RELT: variants seen among roughly 807,000 people sequenced by gnomAD.
RELT encodes the protein RELT TNF receptor, also known as tumor necrosis factor receptor superfamily member 19L.
RELT carries 37 observed loss-of-function variants against 51.1 expected under a neutral mutation model. The observed-to-expected ratio is 0.72, with a 90% CI of 0.56 to 0.95. The LOEUF is 0.95. Ranked by LOEUF, RELT falls within the 40% of genes least tolerant of loss-of-function variation. The probability of loss-of-function intolerance (pLI) is 0.00; values close to 1 mark genes in which losing one functional copy is unlikely to be tolerated. For missense variants in RELT, 535 were observed against 572.6 expected (o/e 0.93, Z 0.67); for synonymous variants, 241 against 235.7 (o/e 1.02, Z -0.21).
At chr11:73,393,701 G>A (rs1866256676) in intron 6 of RELT, 136 bp from the exon 7 acceptor site, 1 of 1,584,014 alleles carries the variant, frequency 6.3e-7, no homozygotes, top group Non-Finnish European at 8.6e-7. Context: ...GCAGGGCTCT[G>A]GGAGGCTTGT....
Position 73,394,698 on chromosome 11 carries a change from G to C in RELT, c.1010G>C (p.Gly337Ala). The change falls in exon 9 of 11, where the codon GGG becomes GCG. Residue 337 changes from glycine to alanine, a missense_variant. By Grantham distance (60) the Gly-to-Ala change is moderately conservative. Transcript: ENST00000064780. The surrounding 1 kb of genome is among the most constrained non-coding windows in gnomAD (Gnocchi z 4.9). ...GTTCCCAAGGCCGGGGCCAAGGCAG[G>C]GCGTCAGGGCGAGATCACCATCTTG... ...TRVPKAGAKA[G>A]RQGEITILSV... The C allele has an allele frequency of 6.2e-7, 1 of 1,612,380 alleles. No homozygotes were observed. The highest frequency in any genetic ancestry group is 1.7e-5 in the Admixed American group (1 of 60,022).
intron 1 of RELT, among the ~76,000 whole-genome samples, chr11:73,386,765 TG>T (rs1866130363): frequency 6.6e-6 from 1 of 152,156 alleles, no homozygotes; most frequent in Admixed American, 6.5e-5. Flanking sequence ...AGCTGCTCCC[TG>T]TGGGCTCAGG....
At chr11:73,379,986 G>T (rs564978316) in intron 1 of RELT, among the ~76,000 whole-genome samples, 1 of 152,122 alleles carries the variant, frequency 6.6e-6, no homozygotes, top group Non-Finnish European at 1.5e-5. Context: ...AACCCTCTTG[G>T]CCATCCAGAC....
intron 4 of RELT, 89 bp downstream of exon 4, chr11:73,391,010 G>A: frequency 6.5e-7 from 1 of 1,547,044 alleles, no homozygotes; most frequent in Non-Finnish European, 8.8e-7. Flanking sequence ...CCCTGAGCAG[G>A]CCTCATTCTT....
chr11:73,393,578 C>A (rs919852821), intron 6 of RELT: 2 of 1,443,158 alleles, frequency 1.4e-6, no homozygotes, highest in Admixed American at 4.2e-5. Flanking sequence ...AATTCAATGA[C>A]TGGAGTTCAC....
intron 1 of RELT, among the ~76,000 whole-genome samples, chr11:73,377,239 C>T (rs991330923): frequency 1.4e-5 from 2 of 141,746 alleles, no homozygotes; most frequent in East Asian, 2.0e-4. Flanking sequence ...TCGCTGGCGC[C>T]ATGGTGTGCG....
chr11:73,385,197 G>A (rs1402606160), intron 1 of RELT, among the ~76,000 whole-genome samples: 1 of 152,152 alleles, frequency 6.6e-6, no homozygotes, highest in Non-Finnish European at 1.5e-5. Flanking sequence ...AGGGACTGTA[G>A]GGAAGGGGAG....
At chr11:73,386,434 T>G (rs1262470622) in intron 1 of RELT, among the ~76,000 whole-genome samples, 2 of 152,094 alleles carry the variant, frequency 1.3e-5, no homozygotes, top group African/African-American at 2.4e-5. Flanking sequence ...AGTGGAGGCC[T>G]TGTGGGGCAG....
chr11:73,392,706 G>A, intron 6 of RELT: 1 of 1,418,638 alleles, frequency 7.0e-7, no homozygotes, highest in Non-Finnish European at 9.2e-7. Flanking sequence ...CCTACCCTGG[G>A]TGAAGCCTTG....
In RELT at chr11:73,390,737, A is replaced by C; in HGVS notation, c.121-18A>C. On this transcript the variant is annotated intron_variant, in intron 3 of 10. Transcript: ENST00000064780. ...AGGCTTGGCTCCTGGCCATGCTCTCACCCTTTACCTCCCACAGGACCCAGG... is the reference window on the plus strand; with the variant it reads ...AGGCTTGGCTCCTGGCCATGCTCTCCCCCTTTACCTCCCACAGGACCCAGG... 1 of 1,606,264 alleles carries C rather than the reference A, an allele frequency of 6.2e-7. No homozygotes were observed. The highest frequency in any genetic ancestry group is 1.1e-5 in the South Asian group (1 of 90,658).
At chr11:73,395,407 C>G in intron 10 of RELT, 37 bp from the exon 11 acceptor site, 1 of 1,141,300 alleles carries the variant, frequency 8.8e-7, no homozygotes. Context: ...GAAGCCAGCC[C>G]CTGACTCAGC....
Position 73,376,460 on chromosome 11 carries a change from C to T in RELT, c.-65C>T, listed in dbSNP as rs920181164. The T allele has an allele frequency of 3.9e-5, 6 of 151,972 alleles. No individual in the cohort carries two copies. Among genetic ancestry groups the T allele is most frequent in the Non-Finnish European group, 8.8e-5 (6 of 67,952 alleles). 9.4% of individuals were successfully genotyped at this position (151,972 alleles called of 1,614,324 possible). A position where few individuals can be genotyped will look rare whatever the true frequency, so the allele number is the denominator to read the frequency against. ...GCCGAGCCGGGCCGCGGCGCCGAGT[C>T]GAACGGGGAGCCGAGCTGGAGCTGC... On this transcript the variant is annotated 5_prime_UTR_variant, in exon 1 of 11. Coordinates refer to ENST00000064780, the MANE Select transcript of RELT (RefSeq NM_152222.2).
Position 73,394,790 on chromosome 11 carries a change from G to T in RELT, c.1046+56G>T. The T allele has an allele frequency of 6.4e-7, 1 of 1,569,812 alleles. No individual in the cohort carries two copies. On this transcript the variant is annotated intron_variant, in intron 9 of 10. Transcript: ENST00000064780. This position sits in a 1 kb window ranked among gnomAD's most constrained non-coding sequence, Gnocchi z 4.9. ...GTAAAGACGTGACAGCCTGGGGGCC[G>T]GGAGGGGGAGGCAGGGCCCCAGCTT...
In RELT at chr11:73,394,555, G is replaced by A. The variant is rs748030806; in HGVS notation, c.867G>A (p.Ser289=). ...TCCACACCGTGCAGGGCCTGGCCTC[G>A]CTCTCTGGCCCCTGCTGCTCCCGCT... ...HHLHTVQGLA[S]LSGPCCSRCS... The change falls in exon 9 of 11, where the codon TCG becomes TCA. Residue 289 remains serine (S), a synonymous_variant. Coordinates refer to ENST00000064780, the MANE Select transcript of RELT (RefSeq NM_152222.2). The surrounding 1 kb of genome is among the most constrained non-coding windows in gnomAD (Gnocchi z 4.9). 15 of 1,611,880 alleles carry A rather than the reference G, an allele frequency of 9.3e-6. No individual in the cohort carries two copies. The highest frequency in any genetic ancestry group is 6.7e-5 in the Admixed American group (4 of 60,010).
At chr11:73,390,436 G>C (rs1218278380) in intron 2 of RELT, 115 bp from the exon 3 acceptor site, 2 of 897,386 alleles carry the variant, frequency 2.2e-6, no homozygotes, top group South Asian at 1.4e-5. Context: ...AAGCCCGGGT[G>C]GGGTAGTCAG....
At chr11:73,390,045 A>T (rs987787964) in intron 2 of RELT, among the ~76,000 whole-genome samples, 2 of 152,122 alleles carry the variant, frequency 1.3e-5, no homozygotes, top group African/African-American at 4.8e-5. Flanking sequence ...CCTTGAGGGA[A>T]GATTGCAGAG....
intron 6 of RELT, 105 bp from the exon 7 acceptor site, chr11:73,393,732 G>C (rs755904364): frequency 3.8e-6 from 6 of 1,560,980 alleles, no homozygotes; most frequent in Non-Finnish European, 5.3e-6. Context: ...CACATGCTCA[G>C]GGCCCTTAAG....
intron 1 of RELT, among the ~76,000 whole-genome samples, chr11:73,385,230 G>A (rs1477108360): frequency 6.6e-6 from 1 of 152,072 alleles, no homozygotes; most frequent in Non-Finnish European, 1.5e-5. Context: ...GGGAGGGGGA[G>A]TGGCGTGGCA....
intron 1 of RELT, among the ~76,000 whole-genome samples, chr11:73,380,652 C>T (rs899954207): frequency 6.6e-6 from 1 of 152,168 alleles, no homozygotes; most frequent in Admixed American, 6.5e-5. Context: ...TCTGACAATT[C>T]TAACATTAGT....
Sources: gnomAD v4.1 joint callset for allele counts (sites outside exome capture counted in the v4.1 genomes callset) on GRCh38, gnomAD v4.1.1 for gene constraint, Gnocchi (gnomAD v3.1) non-coding constraint, MANE v1.5 for transcripts, NCBI Gene and HGNC (gene_info 2026-07-23, HGNC 2026-07-21) for gene names.